ANO1: variants seen among roughly 807,000 people sequenced by gnomAD.
ANO1 encodes the protein anoctamin-1.
Under a neutral mutation model 124.0 loss-of-function variants are expected in ANO1, and 59 were observed. The ratio of observed to expected loss-of-function variants is 0.48; its 90% CI spans 0.39 to 0.59. The LOEUF (loss-of-function observed/expected upper bound fraction) is 0.59. ANO1 is among the 20% of genes least tolerant of loss of function. ANO1 has a pLI of 0.00. For synonymous variants in ANO1, 529 were observed against 532.0 expected, an observed-to-expected ratio of 0.99 and a Z score of 0.08; for missense variants, 1,059 against 1,328.0, an observed-to-expected ratio of 0.80 and a Z score of 3.15.
At chr11:70,178,566 CTTTT>C (rs35759051) in intron 22 of ANO1, among the ~76,000 whole-genome samples, 6 of 141,244 alleles carry the variant, frequency 4.2e-5, no homozygotes, top group Admixed American at 7.1e-5. Flanking sequence ...GGGTATTTCT[CTTTT>C]TTTTTTTTTT....
intron 1 of ANO1, among the ~76,000 whole-genome samples, chr11:69,998,973 CT>C (rs1259171791): frequency 2.7e-5 from 4 of 150,652 alleles, no homozygotes; most frequent in African/African-American, 7.4e-5. Context: ...ATACCTGAGC[CT>C]GGTGAGCCAA....
At position 70,083,511 on chromosome 11, in the gene ANO1, G is replaced by C. The variant is rs142639249; in HGVS notation, c.109-4241G>C. Reference sequence around the variant, plus strand: ...CAAAGACTGTAGGCCCCTGAGGGTAGGTGTGTCCCTTGATAGGCCCCCAGT... The same window carrying C: ...CAAAGACTGTAGGCCCCTGAGGGTACGTGTGTCCCTTGATAGGCCCCCAGT... On this transcript the variant is annotated intron_variant, in intron 1 of 25. Transcript: ENST00000355303. 6.2e-3 allele frequency among the ~76,000 whole-genome samples: 950 copies of C among 152,288 alleles called. 6 individuals are homozygous for C. Among genetic ancestry groups the C allele is most frequent in the Admixed American group, 0.012 (190 of 15,298 alleles).
intron 23 of ANO1, among the ~76,000 whole-genome samples, chr11:70,181,347 C>T (rs367573791): frequency 3.9e-5 from 6 of 152,174 alleles, no homozygotes; most frequent in Non-Finnish European, 5.9e-5. Context: ...CACTCAGCCC[C>T]GGAGAAGGGC....
At chr11:70,143,952 G>C (rs1460475363) in intron 11 of ANO1, among the ~76,000 whole-genome samples, 1 of 151,988 alleles carries the variant, frequency 6.6e-6, no homozygotes, top group East Asian at 1.9e-4. Flanking sequence ...TGACCTCAAA[G>C]GGAAACCCTA....
intron 1 of ANO1, among the ~76,000 whole-genome samples, chr11:70,010,191 A>ATATATATATATATATATATATATATATG (rs1565159762): frequency 8.1e-6 from 1 of 122,974 alleles, no homozygotes; most frequent in African/African-American, 3.5e-5. Context: ...ATATATATAT[A>ATATATATATATATATATATATATATATG]TATATATCAC....
At chr11:70,146,854 A>G (rs771087281) in intron 11 of ANO1, among the ~76,000 whole-genome samples, 6 of 152,186 alleles carry the variant, frequency 3.9e-5, no homozygotes, top group Non-Finnish European at 5.9e-5. Context: ...GAAGGCCGGA[A>G]GACTCAGCAA....
intron 16 of ANO1, 43 bp from the exon 17 acceptor site, chr11:70,161,118 C>T: frequency 1.3e-6 from 2 of 1,572,144 alleles, no homozygotes; most frequent in African/African-American, 1.3e-5. Context: ...CAGGAAGGTC[C>T]TGGGTGGGCC....
chr11:70,102,544 C>G lies in ANO1; in HGVS notation c.442-522C>G, dbSNP rs533606902. ...GAAGTCAGTGCAGATACAAGGGAACCCGGGCAGTGGACCTGGAGCAGGCAG... is the reference window on the plus strand; with the variant it reads ...GAAGTCAGTGCAGATACAAGGGAACGCGGGCAGTGGACCTGGAGCAGGCAG... On this transcript the variant is annotated intron_variant, in intron 2 of 25. Transcript: ENST00000355303. Among the ~76,000 whole-genome samples the G allele has an allele frequency of 3.5e-4, 53 of 152,294 alleles. 2 individuals carry two copies. In the South Asian group the frequency reaches 0.011, roughly 30 times the overall value.
chr11:70,119,677 A>T (rs1002570436), intron 8 of ANO1, among the ~76,000 whole-genome samples: 1 of 140,370 alleles, frequency 7.1e-6, no homozygotes, highest in Non-Finnish European at 1.5e-5. Flanking sequence ...ATGATGGATG[A>T]TGGATGGGTG....
chr11:70,065,348 G>T (rs2135123528), intron 1 of ANO1: 1 of 152,412 alleles, frequency 6.6e-6, no homozygotes, highest in East Asian at 1.9e-4. Flanking sequence ...CCGGGGTTGT[G>T]CCAGATACCT....
intron 1 of ANO1, among the ~76,000 whole-genome samples, chr11:70,006,407 C>T (rs1441622743): frequency 2.0e-5 from 3 of 152,110 alleles, no homozygotes. Flanking sequence ...CCAGGGACTG[C>T]CTGGGGTGGG....
upstream of ANO1, among the ~76,000 whole-genome samples, chr11:69,985,511 G>T (rs1554996761): frequency 6.6e-6 from 1 of 152,184 alleles, no homozygotes; most frequent in Non-Finnish European, 1.5e-5. Context: ...GCGCTCTTCT[G>T]ATGCGGGAAC....
Position 70,108,376 on chromosome 11 carries a change from G to A in ANO1, c.771G>A (p.Thr257=), listed in dbSNP as rs774376698. 17 of 1,612,568 alleles carry A rather than the reference G, an allele frequency of 1.1e-5. No homozygotes were observed. The highest frequency in any genetic ancestry group is 6.6e-5 in the South Asian group (6 of 90,942). Residue 257 remains threonine, a synonymous_variant, in exon 6 of 26, where the codon ACG becomes ACA. Coordinates refer to ENST00000355303, the MANE Select transcript of ANO1 (RefSeq NM_018043.7). ...STIVYEILKR[T]TCTKAKYSMG... ...AGGTCTATGAGATCTTGAAGAGAAC[G>A]ACGTGTACAAAGGCCAAGTACAGCA...
At chr11:69,998,889 A>C (rs913112225) in intron 1 of ANO1, among the ~76,000 whole-genome samples, 4 of 152,162 alleles carry the variant, frequency 2.6e-5, no homozygotes, top group African/African-American at 9.7e-5. Flanking sequence ...TGGAGGTTGC[A>C]GTGAGCCGAG....
rs186371853 is a variant in ANO1, at chr11:70,135,722, C to T, written c.1258+3643C>T. ...ATTACAGGCATGCCCAGTAAGAGCA[C>T]ATTCCCAGGGGAAGGGAGGAGAGAG... is the stretch of plus-strand genomic sequence containing the variant. On this transcript the variant is annotated intron_variant, in intron 11 of 25. Transcript: ENST00000355303. Among the ~76,000 whole-genome samples the T allele has an allele frequency of 5.3e-5, 8 of 152,344 alleles. No individual in the cohort carries two copies. The East Asian group carries it at 1.5e-3, about 29-fold the overall frequency.
At chr11:70,186,385 AGG>A (rs1264905009) in intron 25 of ANO1, among the ~76,000 whole-genome samples, 1 of 151,290 alleles carries the variant, frequency 6.6e-6, no homozygotes, top group African/African-American at 2.4e-5. Context: ...GAAGGAAGGA[AGG>A]AAGGAAGGAA....
chr11:70,103,953 G>A (rs758506502), intron 3 of ANO1, 46 bp from the exon 4 acceptor site: 1 of 1,589,146 alleles, frequency 6.3e-7, no homozygotes, highest in Middle Eastern at 1.7e-4. Context: ...ACGGATCATG[G>A]TCCAGCAGGG....
intron 22 of ANO1, among the ~76,000 whole-genome samples, chr11:70,179,067 T>A (rs1026467487): frequency 6.6e-6 from 1 of 152,132 alleles, no homozygotes; most frequent in Non-Finnish European, 1.5e-5. Flanking sequence ...ACTGGGAGGC[T>A]CCCCTCAGCT....
intron 1 of ANO1, among the ~76,000 whole-genome samples, chr11:70,008,355 C>T (rs1856531056): frequency 6.6e-6 from 1 of 152,184 alleles, no homozygotes; most frequent in Non-Finnish European, 1.5e-5. Context: ...GTGTTTTCTT[C>T]TAGCAGTTCT....
Sources: allele counts gnomAD v4.1 joint callset (sites outside exome capture counted in the v4.1 genomes callset), GRCh38; gene constraint gnomAD v4.1.1; transcripts MANE v1.5; gene names NCBI Gene and HGNC (gene_info 2026-07-23, HGNC 2026-07-21).